Variants in SPG21 observed in about 807,000 individuals in gnomAD.
SPG21 encodes maspardin.
In SPG21, 26 loss-of-function variants were observed where a neutral mutation model predicts 38.9. The observed-to-expected ratio is 0.67, with a 90% confidence interval of 0.49 to 0.93. The LOEUF (loss-of-function observed/expected upper bound fraction) is 0.93, where lower values mean the gene tolerates loss of function less well. SPG21 is among the 40% of genes least tolerant of loss of function. The pLI, the probability that SPG21 is intolerant of heterozygous loss-of-function variation, is 0.00. For missense variants in SPG21, 333 were observed against 376.5 expected, an observed-to-expected ratio of 0.88 and a Z score of 0.96; for synonymous variants, 136 against 128.9, an observed-to-expected ratio of 1.05 and a Z score of -0.37.
At chr15:64,979,347 G>C (rs898690683) in intron 3 of SPG21, among the ~76,000 whole-genome samples, 1 of 152,174 alleles carries the variant, frequency 6.6e-6, no homozygotes, top group Admixed American at 6.6e-5. Context: ...AAAAATGGTA[G>C]TGTCATGTCT....
chr15:64,986,717 CA>C (rs929943772), intron 1 of SPG21, among the ~76,000 whole-genome samples: 24 of 114,426 alleles, frequency 2.1e-4, no homozygotes, highest in African/African-American at 5.7e-4. Flanking sequence ...AAACAAAAAA[CA>C]AAAAAACAAA....
At chr15:64,977,519 T>C (rs1230121142) in intron 3 of SPG21, among the ~76,000 whole-genome samples, 1 of 152,026 alleles carries the variant, frequency 6.6e-6, no homozygotes, top group Non-Finnish European at 1.5e-5. Flanking sequence ...CCACCATGCC[T>C]GGCTAATTTT....
intron 5 of SPG21, among the ~76,000 whole-genome samples, chr15:64,972,914 A>G (rs1488027931): frequency 2.6e-5 from 4 of 152,210 alleles, no homozygotes; most frequent in East Asian, 3.8e-4. Context: ...TGTGAAAACG[A>G]TATTTCCCTA....
chr15:64,988,047 A>C (rs1274599775), intron 1 of SPG21, among the ~76,000 whole-genome samples: 1 of 152,026 alleles, frequency 6.6e-6, no homozygotes, highest in African/African-American at 2.4e-5. Context: ...AAAAACAAAC[A>C]AAACAGCAAC....
chr15:64,984,358 A>C (rs1185503575), intron 1 of SPG21, among the ~76,000 whole-genome samples: 2 of 151,956 alleles, frequency 1.3e-5, no homozygotes, highest in Non-Finnish European at 2.9e-5. Flanking sequence ...ATGTTTTTTT[A>C]CTTTTTTAAT....
intron 1 of SPG21, among the ~76,000 whole-genome samples, chr15:64,986,725 C>CA (rs1180124174): frequency 1.3e-5 from 2 of 150,282 alleles, no homozygotes; most frequent in African/African-American, 4.9e-5. Context: ...AACAAAAAAA[C>CA]AAAAAACAAA....
intron 3 of SPG21, among the ~76,000 whole-genome samples, chr15:64,980,498 C>T (rs557524047): frequency 4.6e-5 from 7 of 152,126 alleles, no homozygotes; most frequent in African/African-American, 7.2e-5. Flanking sequence ...CAGCACTTTG[C>T]GAGGCTGAGG....
intron 7 of SPG21, 66 bp downstream of exon 7, chr15:64,969,189 T>A: frequency 8.9e-7 from 1 of 1,123,208 alleles, no homozygotes; most frequent in East Asian, 2.3e-5. Context: ...CAAATAGTTT[T>A]ATAGGAGATC....
At chr15:64,971,694 G>A (rs1171119929) in intron 5 of SPG21, among the ~76,000 whole-genome samples, 1 of 152,012 alleles carries the variant, frequency 6.6e-6, no homozygotes, top group Non-Finnish European at 1.5e-5. Flanking sequence ...AAATTAGCCA[G>A]GGGCGGTGGC....
chr15:64,985,304 T>C (rs1595881106), intron 1 of SPG21, among the ~76,000 whole-genome samples: 1 of 152,220 alleles, frequency 6.6e-6, no homozygotes, highest in African/African-American at 2.4e-5. Context: ...TATGACTGTG[T>C]TACCACTGTG....
At chr15:64,964,133 C>T (rs2085500179) in intron 8 of SPG21, among the ~76,000 whole-genome samples, 1 of 152,162 alleles carries the variant, frequency 6.6e-6, no homozygotes, top group Admixed American at 6.5e-5. Context: ...AGGAAAACAT[C>T]ACCATAGTGG....
At chr15:64,969,180 A>G in intron 7 of SPG21, 75 bp downstream of exon 7, 2 of 1,064,874 alleles carry the variant, frequency 1.9e-6, no homozygotes, top group Non-Finnish European at 2.9e-6. Flanking sequence ...GAAAGTTATC[A>G]AATAGTTTTA....
chr15:64,983,593 C>A lies in SPG21; in HGVS notation c.-24G>T. On this transcript the variant is annotated splice_region_variant and 5_prime_UTR_variant, in exon 2 of 9. Transcript: ENST00000204566. ...ATGATTAGCTGAAATGGAGGTTAAT[C>A]CTGAAATAAAAGCATGTGATATTTC... 1.3e-6 allele frequency: 2 copies of A among 1,534,000 alleles called. No homozygotes were observed. Among genetic ancestry groups the A allele is most frequent in the East Asian group, 2.3e-5 (1 of 43,108 alleles).
chr15:64,970,027 C>A, intron 6 of SPG21, 87 bp downstream of exon 6: 2 of 1,098,452 alleles, frequency 1.8e-6, no homozygotes, highest in Non-Finnish European at 2.8e-6. Flanking sequence ...CTTACACATA[C>A]TTGTGAGACA....
At chr15:64,975,613 C>T (rs774556234) in intron 4 of SPG21, among the ~76,000 whole-genome samples, 2 of 151,618 alleles carry the variant, frequency 1.3e-5, no homozygotes, top group Non-Finnish European at 2.9e-5. Flanking sequence ...CCCCTAAACA[C>T]ATACCTAAGA....
intron 7 of SPG21, among the ~76,000 whole-genome samples, chr15:64,967,140 G>A (rs2085555664): frequency 6.6e-6 from 1 of 151,884 alleles, no homozygotes; most frequent in Admixed American, 6.6e-5. Context: ...TAGCCACTGT[G>A]GAAGACAGTA....
At chr15:64,966,687 C>T (rs1403565951) in intron 7 of SPG21, among the ~76,000 whole-genome samples, 1 of 152,122 alleles carries the variant, frequency 6.6e-6, no homozygotes, top group African/African-American at 2.4e-5. Flanking sequence ...ATCATGAGGT[C>T]AGGAGATCGA....
At chr15:64,984,063 C>T (rs1449489094) in intron 1 of SPG21, among the ~76,000 whole-genome samples, 1 of 152,132 alleles carries the variant, frequency 6.6e-6, no homozygotes, top group African/African-American at 2.4e-5. Context: ...GGATTACAGG[C>T]GTGAGCCACC....
At chr15:64,980,585 A>C (rs2085863708) in intron 3 of SPG21, among the ~76,000 whole-genome samples, 1 of 152,006 alleles carries the variant, frequency 6.6e-6, no homozygotes, top group Non-Finnish European at 1.5e-5. Flanking sequence ...AAAAATACAA[A>C]AAATTAGCTG....
Sources: allele counts gnomAD v4.1 joint callset (sites outside exome capture counted in the v4.1 genomes callset), GRCh38; gene constraint gnomAD v4.1.1; transcripts MANE v1.5; gene names NCBI Gene and HGNC (gene_info 2026-07-23, HGNC 2026-07-21).